The following CPNE7 variants were observed in gnomAD, a reference collection of about 807,000 sequenced individuals.
CPNE7 encodes copine-7.
Under a neutral mutation model 66.5 loss-of-function variants are expected in CPNE7, and 78 were observed. That is an observed-to-expected ratio of 1.17 (90% confidence interval 0.98 to 1.42). The LOEUF is 1.42. Ranked by LOEUF, CPNE7 falls within the 40% of genes most tolerant of loss-of-function variation. The pLI is 0.00. For missense variants in CPNE7, 1,012 were observed against 776.6 expected, an observed-to-expected ratio of 1.30 and a Z score of -3.60; for synonymous variants, 468 against 336.7, an observed-to-expected ratio of 1.39 and a Z score of -4.27.
chr16:89,589,484 T>G (rs1223524028), intron 10 of CPNE7, among the ~76,000 whole-genome samples: 3 of 152,156 alleles, frequency 2.0e-5, no homozygotes, highest in Admixed American at 6.5e-5. Flanking sequence ...GCTCTGAGCT[T>G]CTTACCACAA....
At position 89,590,562 on chromosome 16, in the gene CPNE7, G is replaced by T. The variant is rs576625758; in HGVS notation, c.1117-445G>T. Among the ~76,000 whole-genome samples, 76 of 151,634 alleles carry T rather than the reference G, an allele frequency of 5.0e-4. 1 individual carries two copies. In the Middle Eastern group the frequency reaches 0.01, roughly 20 times the overall value. Reference sequence around the variant, plus strand: ...AGAAAACAACAAAAAACTTCAACTGGCTTCAGCAGAAAAAATGGTGTGTGG... The same window carrying T: ...AGAAAACAACAAAAAACTTCAACTGTCTTCAGCAGAAAAAATGGTGTGTGG... On this transcript the variant is annotated intron_variant, in intron 11 of 14. Coordinates refer to ENST00000319518, the MANE Select transcript of CPNE7 (RefSeq NM_153636.3).
chr16:89,575,936 C>CG lies in CPNE7; in HGVS notation c.44dup (p.Leu16PhefsTer77). 2.3e-6 allele frequency: 3 copies of CG among 1,321,166 alleles called. No individual in the cohort carries two copies. The highest frequency in any genetic ancestry group is 1.9e-5 in the South Asian group (1 of 51,428). 81.8% of individuals were successfully genotyped at this position (1,321,166 alleles called of 1,614,324 possible). On this transcript the variant is annotated frameshift_variant, in exon 1 of 15. Transcript: ENST00000319518. LOFTEE classifies it high-confidence loss of function. ...CGGAGCGCGGGGCGGCGGCAACCCC[C>CG]GGGGGTTTGCCCGCGCCCTGCGCCT...
Position 89,575,920 on chromosome 16 carries a change from GGGC to G in CPNE7, c.30_32del (p.Ala11del). The stretch of plus-strand genomic sequence containing the variant: ...AGCATGAGCGCGGGCTCGGAGCGCG[GGGC>G]GGCGGCAACCCCCGGGGGTTTGCCC... On this transcript the variant is annotated inframe_deletion, in exon 1 of 15. Coordinates refer to ENST00000319518, the MANE Select transcript of CPNE7 (RefSeq NM_153636.3). The G allele has an allele frequency of 8.0e-7, 1 of 1,256,468 alleles. No homozygotes were observed. Among genetic ancestry groups the G allele is most frequent in the Non-Finnish European group, 1.0e-6 (1 of 999,874 alleles). 77.8% of individuals were successfully genotyped at this position (1,256,468 alleles called of 1,614,324 possible). A position where few individuals can be genotyped will look rare whatever the true frequency, so the allele number is the denominator to read the frequency against.
chr16:89,579,543 AC>A (rs995009457), intron 2 of CPNE7, among the ~76,000 whole-genome samples: 1 of 149,662 alleles, frequency 6.7e-6, no homozygotes, highest in African/African-American at 2.5e-5. Flanking sequence ...GTCACATCTC[AC>A]CCATGACACG....
chr16:89,587,620 T>TCA (rs1237902195), intron 9 of CPNE7: 4 of 451,308 alleles, frequency 8.9e-6, no homozygotes, highest in South Asian at 6.2e-5. Flanking sequence ...TCTCTACGTG[T>TCA]CATCCAAGGA....
In CPNE7 at chr16:89,584,302, G is replaced by A. The variant is rs546660543; in HGVS notation, c.507+200G>A. ...ATTAGCTCTCCCGCCCCTCCTGGCA[G>A]CTGGGCTGGGGCTGGGGCAGCTCCC... On this transcript the variant is annotated intron_variant, in intron 4 of 14. Coordinates refer to ENST00000319518, the MANE Select transcript of CPNE7 (RefSeq NM_153636.3). The surrounding 1 kb of genome is among the most constrained non-coding windows in gnomAD (Gnocchi z 6.0). Among the ~76,000 whole-genome samples the A allele has an allele frequency of 1.6e-3, 247 of 152,366 alleles. 2 individuals carry two copies. Among genetic ancestry groups the A allele is most frequent in the African/African-American group, 5.7e-3 (238 of 41,592 alleles).
Position 89,587,171 on chromosome 16 carries a change from C to T in CPNE7, c.927+69C>T, listed in dbSNP as rs1210857469. Reference sequence around the variant, plus strand: ...CCCCGCCCCGCCCCGCCCCCTCAGTCCGTGGCCCCGCCCCTCCCCGCCCCC... The same window carrying T: ...CCCCGCCCCGCCCCGCCCCCTCAGTTCGTGGCCCCGCCCCTCCCCGCCCCC... On this transcript the variant is annotated intron_variant, in intron 9 of 14. Coordinates refer to ENST00000319518, the MANE Select transcript of CPNE7 (RefSeq NM_153636.3). The T allele has an allele frequency of 6.4e-5, 54 of 840,862 alleles. 2 individuals carry two copies. The highest frequency in any genetic ancestry group is 9.2e-5 in the Non-Finnish European group (51 of 551,474). 52.1% of individuals were successfully genotyped at this position (840,862 alleles called of 1,614,324 possible). A position where few individuals can be genotyped will look rare whatever the true frequency, so the allele number is the denominator to read the frequency against.
chr16:89,591,302 G>A (rs779551503), intron 13 of CPNE7, 42 bp downstream of exon 13: 15 of 1,515,178 alleles, frequency 9.9e-6, no homozygotes, highest in African/African-American at 2.7e-5. Flanking sequence ...GTGTGGGGTC[G>A]GCTGTGTGTG....
In CPNE7 at chr16:89,595,408, C is replaced by A; in HGVS notation, c.1344C>A (p.Thr448=). 6.3e-7 allele frequency: 1 copy of A among 1,597,852 alleles called. No homozygotes were observed. The highest frequency in any genetic ancestry group is 8.6e-7 in the Non-Finnish European group (1 of 1,169,040). Residue 448 remains threonine, a synonymous_variant, in exon 14 of 15, where the codon ACC becomes ACA. Transcript: ENST00000319518. ...ILLILTDGVV[T]DMADTREAIV... Reference sequence around the variant, plus strand: ...TGATCCTGACGGACGGCGTGGTGACCGACATGGCCGACACACGGGAGGCCA... The same window carrying A: ...TGATCCTGACGGACGGCGTGGTGACAGACATGGCCGACACACGGGAGGCCA...
chr16:89,591,766 C>G (rs1436362814), intron 13 of CPNE7, among the ~76,000 whole-genome samples: 1 of 151,788 alleles, frequency 6.6e-6, no homozygotes, highest in Non-Finnish European at 1.5e-5. Context: ...GTGATGTGAT[C>G]CCAGCTCACT....
Position 89,591,169 on chromosome 16 carries a change from G to C in CPNE7, c.1211G>C (p.Arg404Thr). ...GAGGCCTACCAGAACTGCCTGCCCA[G>C]GGTCCAGCTCTACGGCCCCACCAAC... ...VVEAYQNCLP[R>T]VQLYGPTNVA... is the part of the protein sequence containing the mutation. The change falls in exon 13 of 15, where the codon AGG becomes ACG. Residue 404 changes from arginine to threonine, a missense_variant. Coordinates refer to ENST00000319518, the MANE Select transcript of CPNE7 (RefSeq NM_153636.3). The C allele has an allele frequency of 1.2e-6, 2 of 1,607,254 alleles. No individual in the cohort carries two copies. The highest frequency in any genetic ancestry group is 1.7e-6 in the Non-Finnish European group (2 of 1,177,176).
intron 2 of CPNE7, among the ~76,000 whole-genome samples, chr16:89,580,962 A>G (rs571227616): frequency 2.7e-5 from 4 of 145,636 alleles, no homozygotes; most frequent in African/African-American, 5.2e-5. Context: ...ACCCGCTGAC[A>G]TGGAACATCT....
At chr16:89,585,332 C>A (rs544179200) in intron 5 of CPNE7, 132 bp from the exon 6 acceptor site, 7 of 664,276 alleles carry the variant, frequency 1.1e-5, no homozygotes, top group Admixed American at 2.6e-5. Flanking sequence ...AGGGCCCCGG[C>A]GCTGTCTGGG....
rs530600886 is a variant in CPNE7, at chr16:89,584,554, AG to A, written c.508-217del. Among the ~76,000 whole-genome samples, 2 of 136,862 alleles carry A rather than the reference AG, an allele frequency of 1.5e-5. No individual in the cohort carries two copies. The highest frequency in any genetic ancestry group is 3.1e-5 in the Non-Finnish European group (2 of 63,662). 89.8% of individuals were successfully genotyped at this position (136,862 alleles called of 152,430 possible). ...TGGAGGGCTGAGTCGCAGGGTGTGC[AG>A]GGTGACTCCATGGAGGGCTGAGTTG... On this transcript the variant is annotated intron_variant, in intron 4 of 14. Transcript: ENST00000319518. The surrounding 1 kb of genome is among the most constrained non-coding windows in gnomAD (Gnocchi z 6.0).
At chr16:89,592,507 A>G (rs1247925929) in intron 13 of CPNE7, among the ~76,000 whole-genome samples, 2 of 149,054 alleles carry the variant, frequency 1.3e-5, no homozygotes, top group African/African-American at 5.0e-5. Flanking sequence ...TAGTGGTGCA[A>G]TCTCGGCTCA....
At chr16:89,590,034 C>T in intron 11 of CPNE7, 83 bp downstream of exon 11, 1 of 1,483,488 alleles carries the variant, frequency 6.7e-7, no homozygotes, top group Non-Finnish European at 9.3e-7. Context: ...CCCAGGGAGC[C>T]CTGGCTGCCT....
chr16:89,588,500 T>C (rs1032371358), intron 9 of CPNE7, among the ~76,000 whole-genome samples, 175 bp from the exon 10 acceptor site: 1 of 152,056 alleles, frequency 6.6e-6, no homozygotes, highest in Non-Finnish European at 1.5e-5. Context: ...TGAGGAGACC[T>C]CTCCTGGCCC....
Position 89,590,998 on chromosome 16 carries a change from C to A in CPNE7, c.1117-9C>A. 1.2e-6 allele frequency: 2 copies of A among 1,613,586 alleles called. No individual in the cohort carries two copies. The highest frequency in any genetic ancestry group is 1.7e-4 in the Middle Eastern group (1 of 6,060). Reference sequence around the variant, plus strand: ...GAGCAGCTGACTGAGCCCTCTTGTTCCCACCCAGGTGTCCCATGACTTTGC... The same window carrying A: ...GAGCAGCTGACTGAGCCCTCTTGTTACCACCCAGGTGTCCCATGACTTTGC... On this transcript the variant is annotated splice_polypyrimidine_tract_variant and intron_variant, in intron 11 of 14. Coordinates refer to ENST00000319518, the MANE Select transcript of CPNE7 (RefSeq NM_153636.3).
intron 1 of CPNE7, among the ~76,000 whole-genome samples, chr16:89,577,273 C>T (rs534690309): frequency 2.6e-5 from 4 of 152,254 alleles, no homozygotes; most frequent in East Asian, 1.9e-4. Flanking sequence ...ATCTCGCCCC[C>T]GACTCAGCGT....
Sources: gnomAD v4.1 joint callset for allele counts (sites outside exome capture counted in the v4.1 genomes callset) on GRCh38, gnomAD v4.1.1 for gene constraint, Gnocchi (gnomAD v3.1) non-coding constraint, MANE v1.5 for transcripts, NCBI Gene and HGNC (gene_info 2026-07-23, HGNC 2026-07-21) for gene names.